ZCCHC10: variants seen among roughly 807,000 people sequenced by gnomAD.
ZCCHC10 encodes the protein zinc finger CCHC domain-containing protein 10.
In ZCCHC10, 16 loss-of-function variants were observed where a neutral mutation model predicts 19.5. The ratio of observed to expected loss-of-function variants is 0.82; its 90% CI spans 0.56 to 1.25. ZCCHC10 has a LOEUF of 1.25. ZCCHC10 is among the 50% of genes most tolerant of loss of function. ZCCHC10 has a pLI of 0.00. For synonymous variants in ZCCHC10, 67 were observed against 72.5 expected (o/e 0.92, Z 0.38); for missense variants, 197 against 201.0 (o/e 0.98, Z 0.12).
At chr5:133,023,458 G>T (rs1053968717) in intron 1 of ZCCHC10, among the ~76,000 whole-genome samples, 160 of 138,652 alleles carry the variant, frequency 1.2e-3, no homozygotes, top group African/African-American at 4.4e-3. Flanking sequence ...TTAGTCCAAA[G>T]ACCTTTTTTT....
chr5:133,014,539 C>G (rs1426736556), intron 2 of ZCCHC10, among the ~76,000 whole-genome samples: 2 of 152,204 alleles, frequency 1.3e-5, no homozygotes, highest in African/African-American at 2.4e-5. Context: ...AGTTCAGCAC[C>G]ACAGTTGCAC....
chr5:132,998,379 AC>A lies in ZCCHC10; in HGVS notation c.*203del. On this transcript the variant is annotated 3_prime_UTR_variant, in exon 5 of 5. Transcript: ENST00000509437. ...GAGATATATTTTAAAGATAAAAAAAACAAGATTCACCCTTCAAATAAAAGTC... is the reference window on the plus strand; with the variant it reads ...GAGATATATTTTAAAGATAAAAAAAAAAGATTCACCCTTCAAATAAAAGTC... 2.0e-6 allele frequency: 1 copy of A among 496,498 alleles called. No individual in the cohort carries two copies. Among genetic ancestry groups the A allele is most frequent in the Non-Finnish European group, 3.6e-6 (1 of 281,440 alleles). The allele number at this position is 496,498 out of a possible 1,614,324, so 30.8% of individuals were successfully genotyped here.
At position 133,026,521 on chromosome 5, in the gene ZCCHC10, T is replaced by A. The variant is rs751214013; in HGVS notation, c.17A>T (p.His6Leu). Residue 6 changes from histidine (H) to leucine (L), a missense_variant, in exon 1 of 5, where the codon CAT (histidine) becomes CTT (leucine). His to Leu is a moderately conservative substitution (Grantham distance 99). Transcript: ENST00000509437. The stretch of plus-strand genomic sequence containing the variant: ...CGCTTGTCTCCGGGCTATTAGCCGA[T>A]GCATGGGAGTCGCCATCTTAGCGCG... MATPM[H>L]RLIARRQAFD... The A allele has an allele frequency of 4.3e-6, 7 of 1,613,746 alleles. No homozygotes were observed. In the South Asian group the frequency reaches 7.7e-5, roughly 18 times the overall value.
intron 2 of ZCCHC10, chr5:133,019,186 G>GC (rs1764126107): frequency 2.6e-6 from 1 of 389,280 alleles, no homozygotes; most frequent in South Asian, 1.8e-5. Flanking sequence ...TTTGAGACCA[G>GC]CCTGGGCAAC....
At chr5:133,001,608 G>A (rs969076730) in intron 3 of ZCCHC10, among the ~76,000 whole-genome samples, 8 of 151,596 alleles carry the variant, frequency 5.3e-5, no homozygotes, top group African/African-American at 1.7e-4. Context: ...ACTACAACAC[G>A]CACCACCATG....
At chr5:133,013,962 T>G (rs4705986) in intron 2 of ZCCHC10, among the ~76,000 whole-genome samples, 5,739 of 152,196 alleles carry the variant, frequency 0.038, 166 homozygotes, top group Non-Finnish European at 0.062. Context: ...TTTAAAAATT[T>G]TCAGTCACAA....
intron 3 of ZCCHC10, among the ~76,000 whole-genome samples, chr5:133,001,417 A>G (rs747846596): frequency 6.6e-6 from 1 of 151,872 alleles, no homozygotes; most frequent in Non-Finnish European, 1.5e-5. Flanking sequence ...CAACAACAAC[A>G]ACAAGAAAAA....
At chr5:133,002,342 A>C (rs186504635) in intron 3 of ZCCHC10, among the ~76,000 whole-genome samples, 1 of 152,180 alleles carries the variant, frequency 6.6e-6, no homozygotes, top group African/African-American at 2.4e-5. Flanking sequence ...AATTAGAAAA[A>C]CAAAAGTAAA....
chr5:133,013,508 G>A (rs902074826), intron 2 of ZCCHC10, among the ~76,000 whole-genome samples: 6 of 152,108 alleles, frequency 3.9e-5, no homozygotes, highest in South Asian at 2.1e-4. Context: ...CAGATCACGA[G>A]GTCAGGAGTT....
At chr5:132,998,967 G>A in intron 4 of ZCCHC10, 117 bp from the exon 5 acceptor site, 4 of 1,370,470 alleles carry the variant, frequency 2.9e-6, no homozygotes, top group Non-Finnish European at 3.9e-6. Context: ...CCAGTGTGGA[G>A]TGCAGTGGCA....
chr5:132,997,905 C>T lies in ZCCHC10; in HGVS notation c.*678G>A, dbSNP rs1762526614. On this transcript the variant is annotated 3_prime_UTR_variant, in exon 5 of 5. Transcript: ENST00000509437. ...CCAAGATTAGACTCCTAAGAAGTTTCAATTTTTTTGTCCCTTTTTAGGTTC... is the reference window on the plus strand; with the variant it reads ...CCAAGATTAGACTCCTAAGAAGTTTTAATTTTTTTGTCCCTTTTTAGGTTC... The T allele has an allele frequency of 6.6e-6, 1 of 152,100 alleles. No homozygotes were observed. The highest frequency in any genetic ancestry group is 2.1e-4 in the South Asian group (1 of 4,836). The allele number at this position is 152,100 out of a possible 1,614,324, so 9.4% of individuals were successfully genotyped here. A position where few individuals can be genotyped will look rare whatever the true frequency, so the allele number is the denominator to read the frequency against.
intron 3 of ZCCHC10, among the ~76,000 whole-genome samples, chr5:133,005,475 G>A (rs1417454320): frequency 6.6e-6 from 1 of 152,056 alleles, no homozygotes; most frequent in South Asian, 2.1e-4. Context: ...TTAGCCAGGC[G>A]TGGTGGTGTG....
intron 2 of ZCCHC10, chr5:133,019,054 T>C (rs1177413551): frequency 2.2e-6 from 1 of 450,994 alleles, no homozygotes; most frequent in Admixed American, 2.4e-5. Context: ...TTGTTTTTTA[T>C]TGTTATAAAT....
intron 1 of ZCCHC10, among the ~76,000 whole-genome samples, chr5:133,025,520 A>G (rs796313540): frequency 6.7e-6 from 1 of 149,582 alleles, no homozygotes; most frequent in Non-Finnish European, 1.5e-5. Context: ...AAAAAAAAAA[A>G]AAAAAAAAAA....
intron 1 of ZCCHC10, among the ~76,000 whole-genome samples, chr5:133,024,072 G>A (rs969972257): frequency 1.3e-5 from 2 of 152,026 alleles, no homozygotes; most frequent in Admixed American, 6.6e-5. Flanking sequence ...CTCCTTAAAG[G>A]TAAGATTTGT....
At chr5:133,013,594 C>T (rs182259015) in intron 2 of ZCCHC10, among the ~76,000 whole-genome samples, 7 of 151,950 alleles carry the variant, frequency 4.6e-5, no homozygotes, top group African/African-American at 7.2e-5. Context: ...TGGTGGTGCG[C>T]GCCTGTAGTC....
At chr5:133,000,903 A>G (rs1330534102) in intron 3 of ZCCHC10, among the ~76,000 whole-genome samples, 2 of 151,726 alleles carry the variant, frequency 1.3e-5, no homozygotes, top group East Asian at 3.9e-4. Flanking sequence ...GGCCTCCCAA[A>G]GTCCTGGGGA....
chr5:133,009,985 G>A (rs1053727681), intron 2 of ZCCHC10, among the ~76,000 whole-genome samples: 3 of 151,208 alleles, frequency 2.0e-5, no homozygotes, highest in African/African-American at 7.3e-5. Context: ...TGAATCTACA[G>A]ATAAAATATT....
At chr5:133,015,734 G>A (rs1763876758) in intron 2 of ZCCHC10, among the ~76,000 whole-genome samples, 1 of 146,978 alleles carries the variant, frequency 6.8e-6, no homozygotes, top group African/African-American at 2.6e-5. Context: ...GAGAGACTGA[G>A]TCAGAACCAC....
Sources: gnomAD v4.1 joint callset for allele counts (sites outside exome capture counted in the v4.1 genomes callset) on GRCh38, gnomAD v4.1.1 for gene constraint, MANE v1.5 for transcripts, NCBI Gene and HGNC (gene_info 2026-07-23, HGNC 2026-07-21) for gene names.